The following TRIM67 variants were observed in gnomAD, a reference collection of about 807,000 sequenced individuals.
The protein encoded by TRIM67 is tripartite motif containing 67, also known as tripartite motif-containing protein 67.
A neutral mutation model predicts 71.0 loss-of-function variants in TRIM67; 39 were observed. The ratio of observed to expected loss-of-function variants is 0.55; its 90% CI spans 0.43 to 0.72. The LOEUF (loss-of-function observed/expected upper bound fraction) is 0.72, where lower values mean the gene tolerates loss of function less well. Ranked by LOEUF, TRIM67 falls within the 30% of genes least tolerant of loss-of-function variation. The probability of loss-of-function intolerance (pLI) is 0.00; values close to 1 mark genes in which losing one functional copy is unlikely to be tolerated. For missense variants in TRIM67, 973 were observed against 1,079.2 expected (o/e 0.90, Z 1.38); for synonymous variants, 481 against 473.9 (o/e 1.01, Z -0.19).
At chr1:231,206,485 T>C (rs1401406524) in intron 6 of TRIM67, among the ~76,000 whole-genome samples, 167 bp from the exon 7 acceptor site, 1 of 152,126 alleles carries the variant, frequency 6.6e-6, no homozygotes, top group Non-Finnish European at 1.5e-5. Context: ...GGCCCTGCAA[T>C]GTTGTCCAGG....
Position 231,219,605 on chromosome 1 carries a change from T to G in TRIM67, c.*4165T>G, listed in dbSNP as rs560948313. The G allele has an allele frequency of 2.2e-5, 25 of 1,135,194 alleles. No individual in the cohort carries two copies. The highest frequency in any genetic ancestry group is 2.3e-5 in the Non-Finnish European group (21 of 916,884). The allele number at this position is 1,135,194 out of a possible 1,614,324, so 70.3% of individuals were successfully genotyped here. Reference sequence around the variant, plus strand: ...AAGATGCCCCCTGCCCGCTCCCCACTTCCTAGAAAGCAAAACTCGTTACCT... The same window carrying G: ...AAGATGCCCCCTGCCCGCTCCCCACGTCCTAGAAAGCAAAACTCGTTACCT... On this transcript the variant is annotated 3_prime_UTR_variant, in exon 10 of 10. Coordinates refer to ENST00000366653, the MANE Select transcript of TRIM67 (RefSeq NM_001004342.5).
At chr1:231,179,618 C>T (rs888285253) in intron 1 of TRIM67, among the ~76,000 whole-genome samples, 1 of 152,190 alleles carries the variant, frequency 6.6e-6, no homozygotes, top group Non-Finnish European at 1.5e-5. Context: ...GAATAACTCC[C>T]ACAAGCTTAG....
chr1:231,194,173 G>C (rs1571889118), intron 1 of TRIM67, among the ~76,000 whole-genome samples: 1 of 152,202 alleles, frequency 6.6e-6, no homozygotes, highest in African/African-American at 2.4e-5. Flanking sequence ...GAGAGGAGGG[G>C]CCAGCCACAG....
intron 1 of TRIM67, among the ~76,000 whole-genome samples, chr1:231,182,878 T>C (rs1451483598): frequency 6.6e-6 from 1 of 152,260 alleles, no homozygotes; most frequent in African/African-American, 2.4e-5. Context: ...AGCTAATGAC[T>C]GGAAGTCAGT....
chr1:231,189,651 G>A (rs923185211), intron 1 of TRIM67, among the ~76,000 whole-genome samples: 7 of 152,242 alleles, frequency 4.6e-5, no homozygotes, highest in South Asian at 2.1e-4. Flanking sequence ...CTGGCAGGAC[G>A]TTTTCTTGAT....
In TRIM67 at chr1:231,192,254, G is replaced by C. The variant is rs550137411; in HGVS notation, c.1045-5117G>C. On this transcript the variant is annotated intron_variant, in intron 1 of 9. Coordinates refer to ENST00000366653, the MANE Select transcript of TRIM67 (RefSeq NM_001004342.5). ...ATACAGGGTCTCGCCCTGGGCTCCA[G>C]TGATCTTCCTGCCTCAGCCTCCCAA... is the stretch of plus-strand genomic sequence containing the variant. Among the ~76,000 whole-genome samples the C allele has an allele frequency of 9.9e-5, 15 of 152,232 alleles. No homozygotes were observed. The Middle Eastern group carries it at 0.01, about 104-fold the overall frequency.
rs559260063 is a variant in TRIM67, at chr1:231,218,502, G to A, written c.*3062G>A. 1.4e-5 allele frequency: 14 copies of A among 985,392 alleles called. No individual in the cohort carries two copies. The highest frequency in any genetic ancestry group is 1.2e-4 in the Admixed American group (2 of 16,278). 61.0% of individuals were successfully genotyped at this position (985,392 alleles called of 1,614,324 possible). On this transcript the variant is annotated 3_prime_UTR_variant, in exon 10 of 10. Coordinates refer to ENST00000366653, the MANE Select transcript of TRIM67 (RefSeq NM_001004342.5). Reference sequence around the variant, plus strand: ...TTTCCTTTTAAAATTAATCTCTTCCGAAAATATCCACTAGCACCTCACTGC... The same window carrying A: ...TTTCCTTTTAAAATTAATCTCTTCCAAAAATATCCACTAGCACCTCACTGC...
At chr1:231,197,309 G>A (rs1571891392) in intron 1 of TRIM67, 62 bp from the exon 2 acceptor site, 3 of 1,435,896 alleles carry the variant, frequency 2.1e-6, no homozygotes, top group East Asian at 4.6e-5. Flanking sequence ...TTATGATGAA[G>A]TGCAAATTTT....
chr1:231,196,317 T>A (rs1226741146), intron 1 of TRIM67, among the ~76,000 whole-genome samples: 1 of 151,990 alleles, frequency 6.6e-6, no homozygotes. Context: ...AAAATCAGGG[T>A]CACAGTCTGG....
At chr1:231,183,016 G>A (rs1682949242) in intron 1 of TRIM67, among the ~76,000 whole-genome samples, 1 of 152,222 alleles carries the variant, frequency 6.6e-6, no homozygotes, top group African/African-American at 2.4e-5. Context: ...CTGTTAACAA[G>A]ATAGGTTGCT....
chr1:231,198,191 GT>G (rs1028640007), intron 2 of TRIM67, among the ~76,000 whole-genome samples: 5 of 152,320 alleles, frequency 3.3e-5, no homozygotes, highest in African/African-American at 9.6e-5. Context: ...AAACAAATGT[GT>G]TTACTGAACT....
Position 231,217,346 on chromosome 1 carries a change from C to T in TRIM67, c.*1906C>T. ...TCACCAAGCGGTTTCTGGGTCTCCTCCTCCCATCCCAGAGCCCTGTCCAGA... is the reference window on the plus strand; with the variant it reads ...TCACCAAGCGGTTTCTGGGTCTCCTTCTCCCATCCCAGAGCCCTGTCCAGA... On this transcript the variant is annotated 3_prime_UTR_variant, in exon 10 of 10. Coordinates refer to ENST00000366653, the MANE Select transcript of TRIM67 (RefSeq NM_001004342.5). 1 of 985,980 alleles carries T rather than the reference C, an allele frequency of 1.0e-6. No homozygotes were observed. Among genetic ancestry groups the T allele is most frequent in the Non-Finnish European group, 1.2e-6 (1 of 830,360 alleles). The allele number at this position is 985,980 out of a possible 1,614,324, so 61.1% of individuals were successfully genotyped here. A position where few individuals can be genotyped will look rare whatever the true frequency, so the allele number is the denominator to read the frequency against.
At chr1:231,185,601 C>G (rs997600517) in intron 1 of TRIM67, among the ~76,000 whole-genome samples, 2 of 151,876 alleles carry the variant, frequency 1.3e-5, no homozygotes. Flanking sequence ...CAGACGCGTC[C>G]TGCCCTTTTG....
intron 1 of TRIM67, chr1:231,187,652 T>G: frequency 7.8e-7 from 1 of 1,284,342 alleles, no homozygotes. Context: ...CCATCTCTAC[T>G]GTCTCCCAAG....
At chr1:231,212,615 C>T (rs1006837176) in intron 8 of TRIM67, among the ~76,000 whole-genome samples, 4 of 151,802 alleles carry the variant, frequency 2.6e-5, no homozygotes, top group South Asian at 2.1e-4. Flanking sequence ...CCCAGCTATT[C>T]GGGAGGCTGA....
chr1:231,208,813 A>AT (rs1683782992), intron 7 of TRIM67, 134 bp from the exon 8 acceptor site: 1 of 776,736 alleles, frequency 1.3e-6, no homozygotes, highest in Non-Finnish European at 2.1e-6. Context: ...TGTGGTAATC[A>AT]TACAGGAAAG....
At position 231,203,961 on chromosome 1, in the gene TRIM67, C is replaced by G. The variant is rs189006336; in HGVS notation, c.1629C>G (p.Pro543=). ...GGATGCCACCCTTCACCCACAGCCCCGTGGACGGCTACATCCTGGAGCTGG... is the reference window on the plus strand; with the variant it reads ...GGATGCCACCCTTCACCCACAGCCCGGTGGACGGCTACATCCTGGAGCTGG... ...AWRMPPFTHS[P]VDGYILELDD... is the part of the protein sequence containing the mutation. Residue 543 remains proline, a synonymous_variant, in exon 6 of 10, where the codon CCC becomes CCG. Coordinates refer to ENST00000366653, the MANE Select transcript of TRIM67 (RefSeq NM_001004342.5). 1.1e-5 allele frequency: 17 copies of G among 1,613,998 alleles called. No individual in the cohort carries two copies. The East Asian group carries it at 3.1e-4, about 30-fold the overall frequency.
In TRIM67 at chr1:231,219,837, C is replaced by T. The variant is rs1183618312; in HGVS notation, c.*4397C>T. 7.8e-7 allele frequency: 1 copy of T among 1,286,366 alleles called. No homozygotes were observed. The highest frequency in any genetic ancestry group is 1.0e-6 in the Non-Finnish European group (1 of 986,914). 79.7% of individuals were successfully genotyped at this position (1,286,366 alleles called of 1,614,324 possible). On this transcript the variant is annotated 3_prime_UTR_variant, in exon 10 of 10. Transcript: ENST00000366653. ...TCTTTGGCAGTTCCTCCCAGAAGAT[C>T]AAAGGATCCTGCAGCTTTAACCTAA...
chr1:231,179,490 C>T (rs920880650), intron 1 of TRIM67, among the ~76,000 whole-genome samples: 24 of 152,190 alleles, frequency 1.6e-4, no homozygotes, highest in Middle Eastern at 3.2e-3. Context: ...CTATAACACA[C>T]GAAAACATTA....
Sources: gnomAD v4.1 joint callset for allele counts (sites outside exome capture counted in the v4.1 genomes callset) on GRCh38, gnomAD v4.1.1 for gene constraint, MANE v1.5 for transcripts, NCBI Gene and HGNC (gene_info 2026-07-23, HGNC 2026-07-21) for gene names.